Variants in CSMD1 observed in about 807,000 individuals in gnomAD.
CSMD1 encodes the protein CUB and Sushi multiple domains 1, also known as CUB and sushi domain-containing protein 1.
In CSMD1, 213 loss-of-function variants were observed where a neutral mutation model predicts 417.5. The ratio of observed to expected loss-of-function variants is 0.51; its 90% CI spans 0.46 to 0.57. The LOEUF is 0.57. Ranked by LOEUF, CSMD1 falls within the 20% of genes least tolerant of loss-of-function variation. CSMD1 has a pLI of 0.00. For synonymous variants in CSMD1, 2,862 were observed against 1,736.8 expected (o/e 1.65, Z -16.11); for missense variants, 6,923 against 4,529.7 (o/e 1.53, Z -15.17).
intron 9 of CSMD1, among the ~76,000 whole-genome samples, chr8:3,581,388 A>G (rs1305384497): frequency 6.6e-6 from 1 of 152,226 alleles, no homozygotes; most frequent in East Asian, 1.9e-4. Flanking sequence ...TATGACAACC[A>G]TTCATCTGTT....
intron 2 of CSMD1, among the ~76,000 whole-genome samples, chr8:4,456,086 G>C: frequency 1.5e-5 from 2 of 129,734 alleles, no homozygotes; most frequent in Admixed American, 1.6e-4. Flanking sequence ...AAAAAAATGT[G>C]AAAGTACGTA....
intron 1 of CSMD1, among the ~76,000 whole-genome samples, chr8:4,687,894 T>C (rs1806494927): frequency 6.6e-6 from 1 of 151,996 alleles, no homozygotes; most frequent in Non-Finnish European, 1.5e-5. Context: ...CAGGAGCCAA[T>C]CTGGATAACG....
chr8:3,481,594 G>A (rs953498498), intron 11 of CSMD1, among the ~76,000 whole-genome samples: 1 of 152,204 alleles, frequency 6.6e-6, no homozygotes, highest in Non-Finnish European at 1.5e-5. Context: ...ATGTGATTAA[G>A]TTAAGGATCG....
chr8:4,011,822 T>C (rs185060011), intron 4 of CSMD1, among the ~76,000 whole-genome samples: 1 of 152,172 alleles, frequency 6.6e-6, no homozygotes, highest in African/African-American at 2.4e-5. Context: ...GAATAATATG[T>C]GCACAGTCAT....
intron 7 of CSMD1, among the ~76,000 whole-genome samples, chr8:3,649,244 T>C (rs115425518): frequency 0.014 from 2,182 of 152,262 alleles, 62 homozygotes; most frequent in African/African-American, 0.05. Context: ...TATTCTTCTG[T>C]AACATAAAAC....
At chr8:3,461,528 C>A (rs2117154494) in intron 12 of CSMD1, among the ~76,000 whole-genome samples, 1 of 152,310 alleles carries the variant, frequency 6.6e-6, no homozygotes, top group Non-Finnish European at 1.5e-5. Flanking sequence ...TCCCCGATCT[C>A]TCAAATTAGG....
chr8:3,642,241 G>A (rs182544511), intron 7 of CSMD1, among the ~76,000 whole-genome samples: 1 of 151,876 alleles, frequency 6.6e-6, no homozygotes, highest in Non-Finnish European at 1.5e-5. Context: ...AAACCCCCAA[G>A]AAGTCACATA....
chr8:3,485,195 C>G (rs1316917005), intron 11 of CSMD1, among the ~76,000 whole-genome samples: 1 of 152,128 alleles, frequency 6.6e-6, no homozygotes, highest in African/African-American at 2.4e-5. Context: ...AACTGTGGAA[C>G]ATTCATACCT....
chr8:4,735,788 G>C (rs1563251737), intron 1 of CSMD1, among the ~76,000 whole-genome samples: 1 of 152,104 alleles, frequency 6.6e-6, no homozygotes, highest in Non-Finnish European at 1.5e-5. Flanking sequence ...GAATTTTAGA[G>C]GAATTTTTCC....
At chr8:4,894,305 C>T (rs1463177402) in intron 1 of CSMD1, among the ~76,000 whole-genome samples, 9 of 151,968 alleles carry the variant, frequency 5.9e-5, no homozygotes, top group Non-Finnish European at 1.3e-4. Flanking sequence ...AATTTATATA[C>T]ATTTTTCATT....
intron 5 of CSMD1, among the ~76,000 whole-genome samples, chr8:3,854,274 T>C (rs1804138075): frequency 6.6e-6 from 1 of 151,446 alleles, no homozygotes; most frequent in Non-Finnish European, 1.5e-5. Flanking sequence ...CAAAATATGA[T>C]CAATAATTCT....
At chr8:3,337,640 G>A (rs554187116) in intron 23 of CSMD1, among the ~76,000 whole-genome samples, 196 of 152,206 alleles carry the variant, frequency 1.3e-3, no homozygotes, top group African/African-American at 4.7e-3. Flanking sequence ...GAGGTCCATG[G>A]CCTTAAGCTC....
chr8:4,194,229 C>T (rs73658461), intron 3 of CSMD1, among the ~76,000 whole-genome samples: 4,357 of 152,224 alleles, frequency 0.029, 239 homozygotes, highest in African/African-American at 0.099. Context: ...GCAATCAACA[C>T]TGCTGCTTTT....
chr8:4,319,056 A>C lies in CSMD1; in HGVS notation c.415+100897T>G, dbSNP rs144189949. Among the ~76,000 whole-genome samples, 1,397 of 152,274 alleles carry C rather than the reference A, an allele frequency of 9.2e-3. 13 individuals are homozygous for C. The highest frequency in any genetic ancestry group is 0.031 in the Middle Eastern group (9 of 294). On this transcript the variant is annotated intron_variant, in intron 3 of 69. Coordinates refer to ENST00000635120, the MANE Select transcript of CSMD1 (RefSeq NM_033225.6). ...TACAAACTCCTTGTTTGACCAAATA[A>C]ACATCTTTTACTTCATTAGTAGTCC...
Position 3,951,650 on chromosome 8 carries a change from A to T in CSMD1, c.818+46253T>A, listed in dbSNP as rs76868624. 5.8e-3 allele frequency among the ~76,000 whole-genome samples: 889 copies of T among 152,280 alleles called. 8 individuals carry two copies. Among genetic ancestry groups the T allele is most frequent in the African/African-American group, 0.02 (811 of 41,544 alleles). On this transcript the variant is annotated intron_variant, in intron 5 of 69. Coordinates refer to ENST00000635120, the MANE Select transcript of CSMD1 (RefSeq NM_033225.6). Reference sequence around the variant, plus strand: ...CAAAAATATTGGAAGAAAGGTTAAAATTTTTTAAAAATTAAAAAATAAACA... The same window carrying T: ...CAAAAATATTGGAAGAAAGGTTAAATTTTTTTAAAAATTAAAAAATAAACA...
intron 3 of CSMD1, among the ~76,000 whole-genome samples, chr8:4,345,082 A>G (rs996989838): frequency 5.9e-5 from 9 of 152,134 alleles, no homozygotes; most frequent in African/African-American, 2.2e-4. Context: ...TGGGGCTTAG[A>G]AAGAGGAGAA....
At chr8:3,458,912 A>C (rs532321320) in intron 12 of CSMD1, among the ~76,000 whole-genome samples, 3 of 152,306 alleles carry the variant, frequency 2.0e-5, no homozygotes, top group Admixed American at 2.0e-4. Context: ...TGCTGCTGGT[A>C]GCCACAGGGA....
intron 3 of CSMD1, among the ~76,000 whole-genome samples, chr8:4,332,144 A>T (rs1299686067): frequency 6.6e-6 from 1 of 152,124 alleles, no homozygotes; most frequent in Non-Finnish European, 1.5e-5. Flanking sequence ...TGAAAATGTC[A>T]AGTTGCTTAG....
intron 7 of CSMD1, among the ~76,000 whole-genome samples, chr8:3,701,554 A>T (rs895024448): frequency 1.3e-5 from 2 of 152,012 alleles, no homozygotes; most frequent in Non-Finnish European, 2.9e-5. Context: ...TTAAGAGAAG[A>T]TTACCCACTA....
Sources: gnomAD v4.1 joint callset for allele counts (sites outside exome capture counted in the v4.1 genomes callset) on GRCh38, gnomAD v4.1.1 for gene constraint, MANE v1.5 for transcripts, NCBI Gene and HGNC (gene_info 2026-07-23, HGNC 2026-07-21) for gene names.